COL5A1: variants seen among roughly 807,000 people sequenced by gnomAD.
The protein encoded by COL5A1 is collagen alpha-1(V) chain.
Under a neutral mutation model 263.7 loss-of-function variants are expected in COL5A1, and 16 were observed. That is an observed-to-expected ratio of 0.06 (90% confidence interval 0.04 to 0.09). The LOEUF is 0.09. COL5A1 is among the 10% of genes least tolerant of loss of function. COL5A1 has a pLI of 1.00. For missense variants in COL5A1, 2,036 were observed against 2,540.5 expected (o/e 0.80, Z 4.27); for synonymous variants, 1,012 against 1,004.5 (o/e 1.01, Z -0.14).
rs769689490 is a variant in COL5A1, at chr9:134,818,609, T to C, written c.4231-47T>C. 4.9e-6 allele frequency: 7 copies of C among 1,439,068 alleles called. No individual in the cohort carries two copies. In the South Asian group the frequency reaches 7.2e-5, roughly 15 times the overall value. The allele number at this position is 1,439,068 out of a possible 1,614,324, so 89.1% of individuals were successfully genotyped here. On this transcript the variant is annotated intron_variant, in intron 54 of 65. Transcript: ENST00000371817. The surrounding 1 kb of genome is among the most constrained non-coding windows in gnomAD (Gnocchi z 6.0). ...AGCAGTGGTCCTGGGCCAGGGTGCC[T>C]GGAGCCTAGAGCTCCGGACCTCATT...
At chr9:134,830,293 C>T in intron 64 of COL5A1, 1 of 1,027,328 alleles carries the variant, frequency 9.7e-7, no homozygotes, top group East Asian at 2.6e-5. Context: ...TGCCAAACCG[C>T]TCCACATCAC....
At chr9:134,701,113 ATT>A in intron 3 of COL5A1, 56 bp from the exon 4 acceptor site, 2 of 1,590,788 alleles carry the variant, frequency 1.3e-6, no homozygotes, top group South Asian at 2.2e-5. Flanking sequence ...TTGCAGCAAA[ATT>A]GCTTGAGCTG....
At position 134,824,868 on chromosome 9, in the gene COL5A1, G is replaced by T. The variant is rs200793746; in HGVS notation, c.4954+13G>T. Reference sequence around the variant, plus strand: ...GACTTCCCAGATGGTGAGGGCCTGGGGGGGCAGGGGTGGCCCCCCAAAGCG... The same window carrying T: ...GACTTCCCAGATGGTGAGGGCCTGGTGGGGCAGGGGTGGCCCCCCAAAGCG... On this transcript the variant is annotated intron_variant, in intron 62 of 65. Coordinates refer to ENST00000371817, the MANE Select transcript of COL5A1 (RefSeq NM_000093.5). 1 of 1,606,610 alleles carries T rather than the reference G, an allele frequency of 6.2e-7. No homozygotes were observed. Among genetic ancestry groups the T allele is most frequent in the Non-Finnish European group, 8.5e-7 (1 of 1,177,746 alleles).
At chr9:134,658,936 A>G (rs1832117372) in intron 1 of COL5A1, among the ~76,000 whole-genome samples, 1 of 152,242 alleles carries the variant, frequency 6.6e-6, no homozygotes. Context: ...GGTGAAGAGT[A>G]GGACTCTCTG....
intron 49 of COL5A1, 123 bp from the exon 50 acceptor site, chr9:134,814,674 C>T (rs1838671248): frequency 3.8e-6 from 3 of 782,070 alleles, no homozygotes; most frequent in Non-Finnish European, 6.6e-6. Context: ...CAGCCCCCTG[C>T]AGGGCTCAGC....
chr9:134,772,017 G>T (rs1836880044), intron 25 of COL5A1, among the ~76,000 whole-genome samples: 1 of 152,150 alleles, frequency 6.6e-6, no homozygotes, highest in Admixed American at 6.5e-5. Flanking sequence ...ATTAGTACAG[G>T]CCCAGGCAGG....
At chr9:134,670,684 T>A (rs1027074913) in intron 1 of COL5A1, among the ~76,000 whole-genome samples, 2 of 152,176 alleles carry the variant, frequency 1.3e-5, no homozygotes, top group African/African-American at 4.8e-5. Context: ...GAAACTCACA[T>A]GCATGTAGAG....
At chr9:134,720,289 C>T (rs1345289409) in intron 4 of COL5A1, among the ~76,000 whole-genome samples, 2 of 152,172 alleles carry the variant, frequency 1.3e-5, no homozygotes, top group Non-Finnish European at 2.9e-5. Flanking sequence ...ACGAGCTCAC[C>T]CAAGCCCAAG....
At chr9:134,698,000 C>T (rs1000464919) in intron 2 of COL5A1, among the ~76,000 whole-genome samples, 3 of 152,166 alleles carry the variant, frequency 2.0e-5, no homozygotes, top group Non-Finnish European at 4.4e-5. Flanking sequence ...AAGAGAATTA[C>T]TTGAACCTGG....
chr9:134,806,658 C>T (rs11999194), intron 42 of COL5A1, among the ~76,000 whole-genome samples: 22,314 of 152,196 alleles, frequency 0.15, 2,450 homozygotes, highest in African/African-American at 0.31. Flanking sequence ...ACTTGGTCTC[C>T]GTCCAGCCTC....
At chr9:134,752,422 G>C (rs988162574) in intron 13 of COL5A1, among the ~76,000 whole-genome samples, 167 bp from the exon 14 acceptor site, 2 of 104,156 alleles carry the variant, frequency 1.9e-5, no homozygotes, top group Admixed American at 9.4e-5. Context: ...TCGAAGTCGG[G>C]GGGGGGGGGC....
intron 39 of COL5A1, 27 bp downstream of exon 39, chr9:134,803,022 G>A (rs777925081): frequency 6.5e-7 from 1 of 1,535,214 alleles, no homozygotes. Flanking sequence ...TTCTGTGTCA[G>A]CTCAGGCGTT....
chr9:134,665,147 C>T (rs1234368286), intron 1 of COL5A1, among the ~76,000 whole-genome samples: 1 of 152,120 alleles, frequency 6.6e-6, no homozygotes, highest in Non-Finnish European at 1.5e-5. Context: ...TGCAGTGAGC[C>T]GAGATCATGC....
In COL5A1 at chr9:134,820,096, C is replaced by T. The variant is rs1394067460; in HGVS notation, c.4447-20C>T. The T allele has an allele frequency of 6.2e-7, 1 of 1,601,240 alleles. No individual in the cohort carries two copies. The highest frequency in any genetic ancestry group is 1.1e-5 in the South Asian group (1 of 90,832). On this transcript the variant is annotated intron_variant, in intron 57 of 65. Transcript: ENST00000371817. ...GCGTGGCTCCCTCAAATGCCCCTTCCTGTCTTCATTTTCCCACAGGGTCAT... is the reference window on the plus strand; with the variant it reads ...GCGTGGCTCCCTCAAATGCCCCTTCTTGTCTTCATTTTCCCACAGGGTCAT...
intron 2 of COL5A1, among the ~76,000 whole-genome samples, chr9:134,699,674 A>T (rs1229367159): frequency 1.3e-5 from 2 of 152,160 alleles, no homozygotes; most frequent in Non-Finnish European, 2.9e-5. Context: ...GTTGTGTTTC[A>T]TGGAGGAGTT....
chr9:134,724,644 G>A (rs1834581935), intron 4 of COL5A1, among the ~76,000 whole-genome samples: 1 of 152,214 alleles, frequency 6.6e-6, no homozygotes, highest in South Asian at 2.1e-4. Context: ...AGCTGTGAAT[G>A]TCTCCCAGCC....
intron 37 of COL5A1, among the ~76,000 whole-genome samples, chr9:134,801,010 G>A (rs1269683742): frequency 6.6e-6 from 1 of 152,210 alleles, no homozygotes; most frequent in Non-Finnish European, 1.5e-5. Context: ...GCTTCTCGCT[G>A]GCACCTGTCA....
Position 134,758,207 on chromosome 9 carries a change from G to A in COL5A1, c.1882-36G>A. ...AAGGCGGGGTGTCCACGTGTGCAGGGTGGCGTCTGAGGCAGCCTTTCTGTC... is the reference window on the plus strand; with the variant it reads ...AAGGCGGGGTGTCCACGTGTGCAGGATGGCGTCTGAGGCAGCCTTTCTGTC... On this transcript the variant is annotated intron_variant, in intron 17 of 65. Coordinates refer to ENST00000371817, the MANE Select transcript of COL5A1 (RefSeq NM_000093.5). The surrounding 1 kb of genome is among the most constrained non-coding windows in gnomAD (Gnocchi z 4.1). The A allele has an allele frequency of 6.2e-7, 1 of 1,613,200 alleles. No homozygotes were observed. The highest frequency in any genetic ancestry group is 8.5e-7 in the Non-Finnish European group (1 of 1,179,410).
chr9:134,702,601 G>A, intron 4 of COL5A1, among the ~76,000 whole-genome samples: 1 of 152,252 alleles, frequency 6.6e-6, no homozygotes, highest in East Asian at 1.9e-4. Flanking sequence ...AGATATCGAT[G>A]TCTGCTCGTG....
Sources: allele counts gnomAD v4.1 joint callset (sites outside exome capture counted in the v4.1 genomes callset), GRCh38; gene constraint gnomAD v4.1.1; non-coding constraint Gnocchi (gnomAD v3.1); transcripts MANE v1.5; gene names NCBI Gene and HGNC (gene_info 2026-07-23, HGNC 2026-07-21).